The following PDE4D variants were observed in gnomAD, a reference collection of about 807,000 sequenced individuals.
PDE4D encodes phosphodiesterase 4D, also known as 3',5'-cyclic-AMP phosphodiesterase 4D.
A neutral mutation model predicts 87.4 loss-of-function variants in PDE4D; 24 were observed. The observed-to-expected ratio is 0.27, with a 90% CI of 0.20 to 0.39. PDE4D has a LOEUF of 0.39. Among genes scored for constraint, PDE4D ranks in the 10% least tolerant of loss-of-function variants. PDE4D has a pLI of 1.00. For missense variants in PDE4D, 714 were observed against 1,041.0 expected (o/e 0.69, Z 4.32); for synonymous variants, 384 against 383.2 (o/e 1.00, Z -0.02).
chr5:59,098,694 A>C (rs1770199302), intron 5 of PDE4D, among the ~76,000 whole-genome samples: 1 of 110,460 alleles, frequency 9.1e-6, no homozygotes, highest in Admixed American at 1.0e-4. Context: ...ACAGAGAAAG[A>C]CTCAAAAAAA....
At chr5:59,852,841 G>A (rs531306120) in intron 1 of PDE4D, among the ~76,000 whole-genome samples, 2 of 151,824 alleles carry the variant, frequency 1.3e-5, no homozygotes, top group South Asian at 2.1e-4. Context: ...AAAAAGAGTC[G>A]TTCAGTAGTA....
intron 1 of PDE4D, among the ~76,000 whole-genome samples, chr5:59,308,443 C>T (rs1342873689): frequency 6.6e-6 from 1 of 152,088 alleles, no homozygotes; most frequent in Non-Finnish European, 1.5e-5. Flanking sequence ...CAAATTTTCT[C>T]AGCATTTGTT....
chr5:59,002,023 A>G (rs772215103), intron 6 of PDE4D: 3 of 514,214 alleles, frequency 5.8e-6, no homozygotes, highest in Non-Finnish European at 1.2e-5. Context: ...AGCAAGCCCT[A>G]TCTTTTATCC....
At chr5:59,031,707 CAAAAAAAAAAAAAA>C (rs70973183) in intron 6 of PDE4D, among the ~76,000 whole-genome samples, 2 of 16,682 alleles carry the variant, frequency 1.2e-4, no homozygotes, top group African/African-American at 2.7e-4. Flanking sequence ...GACTCCACCT[CAAAAAAAAAAAAAA>C]AAAAAAAAAA....
At chr5:59,613,561 C>T (rs1001185738) in intron 1 of PDE4D, among the ~76,000 whole-genome samples, 2 of 152,040 alleles carry the variant, frequency 1.3e-5, no homozygotes, top group African/African-American at 4.8e-5. Flanking sequence ...CTTTGGAAAG[C>T]TGAGGAGGAT....
intron 3 of PDE4D, among the ~76,000 whole-genome samples, chr5:59,186,005 T>C (rs1342436584): frequency 1.3e-5 from 2 of 152,184 alleles, no homozygotes; most frequent in Non-Finnish European, 2.9e-5. Context: ...AACTAGAAAG[T>C]AGCCAACGGA....
chr5:59,088,690 TA>T (rs1376424999), intron 5 of PDE4D, among the ~76,000 whole-genome samples: 2 of 152,092 alleles, frequency 1.3e-5, no homozygotes, highest in African/African-American at 4.8e-5. Context: ...CTTAGCAAAC[TA>T]ACACAGGAAC....
In PDE4D at chr5:59,180,653, G is replaced by A. The variant is rs1161113980; in HGVS notation, c.759-9C>T. ...TGCACATGGGTGATCTTCTGACAAA[G>A]ACAGAAAAACACAAAGCAGTAAATA... On this transcript the variant is annotated splice_polypyrimidine_tract_variant and intron_variant, in intron 4 of 14. Transcript: ENST00000340635. The A allele has an allele frequency of 1.2e-6, 2 of 1,612,258 alleles. No individual in the cohort carries two copies. The highest frequency in any genetic ancestry group is 1.7e-6 in the Non-Finnish European group (2 of 1,178,992).
intron 1 of PDE4D, among the ~76,000 whole-genome samples, chr5:59,725,018 G>A (rs1008452374): frequency 6.6e-6 from 1 of 152,016 alleles, no homozygotes; most frequent in African/African-American, 2.4e-5. Context: ...TAAAATTCAG[G>A]ATAATAATGG....
At chr5:59,185,326 G>A in intron 3 of PDE4D, 64 bp from the exon 4 acceptor site, 2 of 1,223,294 alleles carry the variant, frequency 1.6e-6, no homozygotes, top group Non-Finnish European at 2.4e-6. Context: ...ACTTGAAAAT[G>A]GTTTGTTAAG....
At chr5:59,604,106 CTTGTAAAA>C (rs1827872335) in intron 1 of PDE4D, among the ~76,000 whole-genome samples, 1 of 151,690 alleles carries the variant, frequency 6.6e-6, no homozygotes, top group Non-Finnish European at 1.5e-5. Context: ...TGAATACAGT[CTTGTAAAA>C]ACAGTTTTTC....
intron 1 of PDE4D, among the ~76,000 whole-genome samples, chr5:59,536,814 T>G (rs946718062): frequency 6.6e-6 from 1 of 152,226 alleles, no homozygotes; most frequent in Non-Finnish European, 1.5e-5. Context: ...TTCTGTACTC[T>G]TTGTGAATGA....
At chr5:59,393,754 T>C (rs532031331) in intron 1 of PDE4D, among the ~76,000 whole-genome samples, 2 of 152,344 alleles carry the variant, frequency 1.3e-5, no homozygotes, top group South Asian at 4.1e-4. Flanking sequence ...TCAGACACCA[T>C]GCAAAACTCA....
intron 2 of PDE4D, among the ~76,000 whole-genome samples, chr5:60,100,509 C>T (rs1776110590): frequency 6.6e-6 from 1 of 152,072 alleles, no homozygotes; most frequent in South Asian, 2.1e-4. Flanking sequence ...AGAATATTTG[C>T]ACTGGTTTTG....
intron 1 of PDE4D, among the ~76,000 whole-genome samples, chr5:59,345,413 T>C (rs1399795422): frequency 1.3e-5 from 2 of 152,164 alleles, no homozygotes; most frequent in Non-Finnish European, 1.5e-5. Context: ...GTTTGAAAAA[T>C]GAATCTGGAT....
At chr5:59,333,147 A>G (rs1289201524) in intron 1 of PDE4D, among the ~76,000 whole-genome samples, 1 of 152,206 alleles carries the variant, frequency 6.6e-6, no homozygotes, top group Non-Finnish European at 1.5e-5. Context: ...AACATACTCT[A>G]TAATCAAAAT....
chr5:59,181,031 G>T (rs1206416419), intron 4 of PDE4D, among the ~76,000 whole-genome samples: 1 of 152,142 alleles, frequency 6.6e-6, no homozygotes, highest in African/African-American at 2.4e-5. Flanking sequence ...AATTTTTATT[G>T]TTGGCCTAAA....
chr5:59,196,914 G>A (rs1245643983), intron 2 of PDE4D, among the ~76,000 whole-genome samples: 1 of 152,138 alleles, frequency 6.6e-6, no homozygotes, highest in Non-Finnish European at 1.5e-5. Context: ...CTATTCATCT[G>A]CTTCAGTGCA....
At chr5:59,334,751 C>T (rs950866217) in intron 1 of PDE4D, among the ~76,000 whole-genome samples, 4 of 151,708 alleles carry the variant, frequency 2.6e-5, no homozygotes, top group South Asian at 4.2e-4. Flanking sequence ...GAACTTGAAG[C>T]GGGTCTTCTC....
Sources: gnomAD v4.1 joint callset for allele counts (sites outside exome capture counted in the v4.1 genomes callset) on GRCh38, gnomAD v4.1.1 for gene constraint, MANE v1.5 for transcripts, NCBI Gene and HGNC (gene_info 2026-07-23, HGNC 2026-07-21) for gene names.